The following RUFY3 variants were observed in gnomAD, a reference collection of about 807,000 sequenced individuals.
RUFY3 encodes the protein RUN and FYVE domain containing 3.
In RUFY3, 34 loss-of-function variants were observed where a neutral mutation model predicts 84.0. The ratio of observed to expected loss-of-function variants is 0.40; its 90% CI spans 0.31 to 0.54. The LOEUF (loss-of-function observed/expected upper bound fraction) is 0.54. Ranked by LOEUF, RUFY3 falls within the 20% of genes least tolerant of loss-of-function variation. The pLI, the probability that RUFY3 is intolerant of heterozygous loss-of-function variation, is 0.39. For synonymous variants in RUFY3, 242 were observed against 252.9 expected, an observed-to-expected ratio of 0.96 and a Z score of 0.41; for missense variants, 507 against 736.8, an observed-to-expected ratio of 0.69 and a Z score of 3.61.
chr4:70,791,152 G>A, intron 12 of RUFY3: 1 of 1,234,112 alleles, frequency 8.1e-7, no homozygotes, highest in Non-Finnish European at 1.2e-6. Context: ...TTATTCTCTT[G>A]CTATTTTTGT....
intron 8 of RUFY3, among the ~76,000 whole-genome samples, chr4:70,778,886 T>C (rs1728434695): frequency 1.3e-5 from 2 of 152,160 alleles, no homozygotes; most frequent in South Asian, 4.2e-4. Flanking sequence ...GGCCCATAAC[T>C]CCTTATTCTG....
At chr4:70,778,660 A>G (rs371102993) in intron 8 of RUFY3, among the ~76,000 whole-genome samples, 1 of 148,008 alleles carries the variant, frequency 6.8e-6, no homozygotes, top group East Asian at 2.0e-4. Context: ...GCTCACCGCA[A>G]CCTCCGTCTC....
intron 15 of RUFY3, among the ~76,000 whole-genome samples, chr4:70,802,715 T>C (rs1732380325): frequency 6.6e-6 from 1 of 152,182 alleles, no homozygotes; most frequent in African/African-American, 2.4e-5. Flanking sequence ...TCAAATCTAT[T>C]TTTAAATGGG....
upstream of RUFY3, among the ~76,000 whole-genome samples, chr4:70,720,056 T>C (rs564666998): frequency 9.9e-5 from 15 of 152,256 alleles, no homozygotes; most frequent in African/African-American, 3.4e-4. Context: ...CTTCTTACAT[T>C]GTACCAGTAT....
At chr4:70,769,758 G>A (rs1363247941) in intron 5 of RUFY3, among the ~76,000 whole-genome samples, 2 of 152,162 alleles carry the variant, frequency 1.3e-5, no homozygotes, top group Non-Finnish European at 2.9e-5. Context: ...TAATACTCTA[G>A]TAAACCATGC....
At chr4:70,741,344 G>C (rs138577289) in intron 1 of RUFY3, among the ~76,000 whole-genome samples, 2 of 152,220 alleles carry the variant, frequency 1.3e-5, no homozygotes, top group African/African-American at 4.8e-5. Flanking sequence ...AAATAAATCT[G>C]TGTTGCTTTT....
chr4:70,727,064 G>A (rs1488136666), intron 1 of RUFY3, among the ~76,000 whole-genome samples: 3 of 133,016 alleles, frequency 2.3e-5, no homozygotes, highest in South Asian at 2.4e-4. Context: ...TTTTTTAACC[G>A]AAGCAATGTT....
At chr4:70,791,581 T>G in intron 12 of RUFY3, 1 of 1,228,546 alleles carries the variant, frequency 8.1e-7, no homozygotes, top group Non-Finnish European at 1.0e-6. Context: ...AAATACCACT[T>G]TCTTTAAAAA....
In RUFY3 at chr4:70,768,533, T is replaced by TA; in HGVS notation, c.573-4dup. On this transcript the variant is annotated splice_polypyrimidine_tract_variant and splice_region_variant and intron_variant, in intron 4 of 17. Coordinates refer to ENST00000381006, the MANE Select transcript of RUFY3 (RefSeq NM_001037442.4). Reference sequence around the variant, plus strand: ...AATAAGGAATTCTGTGGATTTCTCTTACAGTGAATTCTACGAACCCAATGC... The same window carrying TA: ...AATAAGGAATTCTGTGGATTTCTCTTAACAGTGAATTCTACGAACCCAATGC... 1 of 1,610,966 alleles carries TA rather than the reference T, an allele frequency of 6.2e-7. No individual in the cohort carries two copies. The highest frequency in any genetic ancestry group is 1.1e-5 in the South Asian group (1 of 90,224).
intron 9 of RUFY3, among the ~76,000 whole-genome samples, chr4:70,784,414 T>C (rs1385798333): frequency 1.3e-5 from 2 of 151,296 alleles, no homozygotes; most frequent in African/African-American, 4.9e-5. Context: ...ACCCAGGAGG[T>C]GGAGGTTGCA....
At chr4:70,801,321 C>T (rs1033869008) in intron 15 of RUFY3, among the ~76,000 whole-genome samples, 4 of 152,082 alleles carry the variant, frequency 2.6e-5, no homozygotes, top group Admixed American at 6.6e-5. Flanking sequence ...AGACTAGACA[C>T]CACCAAGAGT....
intron 9 of RUFY3, 31 bp downstream of exon 9, chr4:70,783,214 C>T (rs1303046885): frequency 3.7e-6 from 5 of 1,364,720 alleles, no homozygotes; most frequent in East Asian, 2.3e-5. Context: ...AAAATATTCA[C>T]TGAGAGCATA....
At chr4:70,803,397 A>T (rs1216657723) in intron 16 of RUFY3, among the ~76,000 whole-genome samples, 1 of 152,146 alleles carries the variant, frequency 6.6e-6, no homozygotes, top group Non-Finnish European at 1.5e-5. Flanking sequence ...ACTGTGTCTG[A>T]GTCACCCTGT....
At chr4:70,778,573 C>CTTTTTTTT (rs377520137) in intron 8 of RUFY3, 135 bp downstream of exon 8, 51 of 151,840 alleles carry the variant, frequency 3.4e-4, no homozygotes, top group African/African-American at 4.7e-4. Flanking sequence ...ACTTCTTATT[C>CTTTTTTTT]TTTTTTTTTT....
At chr4:70,733,111 A>AG (rs1560463596) in intron 1 of RUFY3, among the ~76,000 whole-genome samples, 10 of 88,074 alleles carry the variant, frequency 1.1e-4, no homozygotes, top group African/African-American at 2.0e-4. Context: ...AGAGAGAGAG[A>AG]GAGAGAGAGG....
At chr4:70,724,995 G>A (rs895262510) in intron 1 of RUFY3, among the ~76,000 whole-genome samples, 4 of 152,096 alleles carry the variant, frequency 2.6e-5, no homozygotes, top group South Asian at 2.1e-4. Flanking sequence ...ACTGCTTTCC[G>A]GGCTGATTCA....
chr4:70,716,211 C>T (rs902688581), intron 1 of RUFY3, among the ~76,000 whole-genome samples: 7 of 152,024 alleles, frequency 4.6e-5, no homozygotes, highest in African/African-American at 1.7e-4. Flanking sequence ...GGTGGCATGA[C>T]GTCGGCTCAC....
intron 1 of RUFY3, among the ~76,000 whole-genome samples, chr4:70,732,579 A>G (rs992840634): frequency 1.3e-5 from 2 of 152,188 alleles, no homozygotes; most frequent in African/African-American, 2.4e-5. Context: ...ATGCAGCCAT[A>G]AAACAGGATG....
intron 5 of RUFY3, 109 bp from the exon 6 acceptor site, chr4:70,773,402 G>T: frequency 1.5e-6 from 1 of 670,464 alleles, no homozygotes; most frequent in Non-Finnish European, 2.6e-6. Context: ...TAAATTTCTA[G>T]TAAGTGTCAT....
Sources: gnomAD v4.1 joint callset for allele counts (sites outside exome capture counted in the v4.1 genomes callset) on GRCh38, gnomAD v4.1.1 for gene constraint, MANE v1.5 for transcripts, NCBI Gene and HGNC (gene_info 2026-07-23, HGNC 2026-07-21) for gene names.